The following CNTN5 variants were observed in gnomAD, a reference collection of about 807,000 sequenced individuals.
CNTN5 encodes contactin-5.
In CNTN5, 77 loss-of-function variants were observed where a neutral mutation model predicts 129.1. That is an observed-to-expected ratio of 0.60 (90% confidence interval 0.50 to 0.72). CNTN5 has a LOEUF of 0.72. Ranked by LOEUF, CNTN5 falls within the 30% of genes least tolerant of loss-of-function variation. The pLI, the probability that CNTN5 is intolerant of heterozygous loss-of-function variation, is 0.00. For missense variants in CNTN5, 1,478 were observed against 1,328.8 expected (o/e 1.11, Z -1.75); for synonymous variants, 509 against 465.6 (o/e 1.09, Z -1.20).
intron 6 of CNTN5, among the ~76,000 whole-genome samples, chr11:99,900,035 T>C (rs1949312753): frequency 6.6e-6 from 1 of 152,070 alleles, no homozygotes; most frequent in African/African-American, 2.4e-5. Flanking sequence ...GTCATCATAC[T>C]AGTCTCTGTA....
chr11:100,207,443 C>A (rs1028111183), intron 15 of CNTN5, among the ~76,000 whole-genome samples: 2 of 151,990 alleles, frequency 1.3e-5, no homozygotes, highest in East Asian at 1.9e-4. Context: ...TATTTTCAGG[C>A]AAAATTAGAT....
At chr11:99,795,560 C>T (rs925540326) in intron 3 of CNTN5, among the ~76,000 whole-genome samples, 2 of 149,272 alleles carry the variant, frequency 1.3e-5, no homozygotes, top group Non-Finnish European at 3.0e-5. Context: ...AATGTTCTTT[C>T]AATCGCTGAA....
chr11:99,299,053 T>G (rs61893134), intron 1 of CNTN5, among the ~76,000 whole-genome samples: 11,205 of 152,194 alleles, frequency 0.074, 632 homozygotes, highest in East Asian at 0.21. Flanking sequence ...CTTTGAATTG[T>G]TGATCTGCTT....
chr11:99,776,482 G>T (rs1280304871), intron 3 of CNTN5, among the ~76,000 whole-genome samples: 1 of 151,360 alleles, frequency 6.6e-6, no homozygotes, highest in African/African-American at 2.4e-5. Context: ...AAAGAAAGTG[G>T]CTATTAATGA....
At chr11:99,893,005 T>A (rs955650285) in intron 6 of CNTN5, among the ~76,000 whole-genome samples, 1 of 152,120 alleles carries the variant, frequency 6.6e-6, no homozygotes, top group Non-Finnish European at 1.5e-5. Flanking sequence ...GCATGAGCAT[T>A]AAGTGCTCTA....
At chr11:99,098,344 T>C (rs1487014721) in intron 1 of CNTN5, among the ~76,000 whole-genome samples, 1 of 152,102 alleles carries the variant, frequency 6.6e-6, no homozygotes, top group Non-Finnish European at 1.5e-5. Context: ...GTTGACAAAG[T>C]AGGCCATGCA....
At chr11:99,911,049 C>G (rs1284453881) in intron 6 of CNTN5, among the ~76,000 whole-genome samples, 1 of 152,010 alleles carries the variant, frequency 6.6e-6, no homozygotes, top group Non-Finnish European at 1.5e-5. Context: ...TGTTGAGAAG[C>G]CAGCTCAGTT....
chr11:99,725,648 C>G (rs1359920456), intron 3 of CNTN5, among the ~76,000 whole-genome samples: 1 of 152,052 alleles, frequency 6.6e-6, no homozygotes, highest in African/African-American at 2.4e-5. Flanking sequence ...TTCATTACTT[C>G]AAAAAAGATA....
At chr11:100,086,736 A>G (rs1455384186) in intron 13 of CNTN5, among the ~76,000 whole-genome samples, 4 of 151,604 alleles carry the variant, frequency 2.6e-5, no homozygotes, top group African/African-American at 7.2e-5. Flanking sequence ...GAAAAAATGA[A>G]TCATATAATA....
At chr11:99,381,909 G>T (rs1398228078) in intron 2 of CNTN5, among the ~76,000 whole-genome samples, 1 of 152,114 alleles carries the variant, frequency 6.6e-6, no homozygotes, top group Non-Finnish European at 1.5e-5. Context: ...GGCTGCTGTA[G>T]CTTGAAAGTG....
At chr11:99,967,311 A>G (rs1951121126) in intron 8 of CNTN5, among the ~76,000 whole-genome samples, 1 of 152,174 alleles carries the variant, frequency 6.6e-6, no homozygotes, top group Non-Finnish European at 1.5e-5. Context: ...CCTTACTGAC[A>G]TGGTGAAAAA....
At chr11:99,939,652 GA>G (rs779849369) in intron 7 of CNTN5, among the ~76,000 whole-genome samples, 1 of 151,866 alleles carries the variant, frequency 6.6e-6, no homozygotes, top group Non-Finnish European at 1.5e-5. Flanking sequence ...ATATTTAATA[GA>G]AAAAAATAGG....
At chr11:100,112,184 C>T (rs1945677997) in intron 13 of CNTN5, among the ~76,000 whole-genome samples, 1 of 152,142 alleles carries the variant, frequency 6.6e-6, no homozygotes, top group African/African-American at 2.4e-5. Context: ...ACTGCTTTAC[C>T]ATGTTCTTGT....
chr11:100,114,953 C>T (rs1945789584), intron 13 of CNTN5, among the ~76,000 whole-genome samples: 1 of 151,702 alleles, frequency 6.6e-6, no homozygotes, highest in Non-Finnish European at 1.5e-5. Context: ...CCACTCCACC[C>T]ACCATTCTGA....
intron 2 of CNTN5, among the ~76,000 whole-genome samples, chr11:99,389,074 G>A (rs556688743): frequency 1.1e-3 from 159 of 141,894 alleles, no homozygotes; most frequent in African/African-American, 4.0e-3. Flanking sequence ...TTGTTGCCCA[G>A]GCTGGAGTGC....
chr11:99,853,367 A>G (rs1426708845), intron 6 of CNTN5, among the ~76,000 whole-genome samples: 2 of 151,774 alleles, frequency 1.3e-5, no homozygotes, highest in Non-Finnish European at 2.9e-5. Flanking sequence ...GTATGTGTGT[A>G]TATGTAATAT....
intron 8 of CNTN5, among the ~76,000 whole-genome samples, chr11:99,982,371 A>G (rs751651679): frequency 2.6e-5 from 4 of 152,206 alleles, no homozygotes; most frequent in Admixed American, 6.5e-5. Flanking sequence ...TAGAAAGATA[A>G]ATATGAAGTC....
chr11:99,334,595 T>C (rs956537133), intron 2 of CNTN5, among the ~76,000 whole-genome samples: 1 of 152,106 alleles, frequency 6.6e-6, no homozygotes, highest in Non-Finnish European at 1.5e-5. Flanking sequence ...ATTAGTATAT[T>C]GTTAATTAAG....
At chr11:99,026,328 T>A (rs1863105311) in intron 1 of CNTN5, among the ~76,000 whole-genome samples, 2 of 151,744 alleles carry the variant, frequency 1.3e-5, no homozygotes, top group Admixed American at 6.6e-5. Flanking sequence ...TAGACTGGCT[T>A]AATATTATCT....
Sources: gnomAD v4.1 joint callset for allele counts (sites outside exome capture counted in the v4.1 genomes callset) on GRCh38, gnomAD v4.1.1 for gene constraint, MANE v1.5 for transcripts, NCBI Gene and HGNC (gene_info 2026-07-23, HGNC 2026-07-21) for gene names.